Variants in ATP9A observed in about 807,000 individuals in gnomAD.
The protein encoded by ATP9A is ATPase phospholipid transporting 9A, also known as probable phospholipid-transporting ATPase IIA.
Under a neutral mutation model 144.1 loss-of-function variants are expected in ATP9A, and 52 were observed. The observed-to-expected ratio is 0.36, with a 90% CI of 0.29 to 0.45. The LOEUF is 0.45. ATP9A is among the 20% of genes least tolerant of loss of function. The pLI, the probability that ATP9A is intolerant of heterozygous loss-of-function variation, is 1.00. For missense variants in ATP9A, 947 were observed against 1,392.7 expected, an observed-to-expected ratio of 0.68 and a Z score of 5.09; for synonymous variants, 582 against 557.4, an observed-to-expected ratio of 1.04 and a Z score of -0.62.
intron 4 of ATP9A, among the ~76,000 whole-genome samples, chr20:51,699,745 C>T (rs1411478001): frequency 6.6e-6 from 1 of 151,982 alleles, no homozygotes; most frequent in Non-Finnish European, 1.5e-5. Flanking sequence ...TGGATTCAAG[C>T]GATTCTTCTG....
At chr20:51,645,540 C>CA (rs34789590) in intron 14 of ATP9A, among the ~76,000 whole-genome samples, 17 of 149,890 alleles carry the variant, frequency 1.1e-4, no homozygotes, top group Non-Finnish European at 1.3e-4. Context: ...AACAAACAAA[C>CA]AAAAAAAAAA....
chr20:51,760,887 G>A (rs2077877426), intron 1 of ATP9A, among the ~76,000 whole-genome samples: 1 of 152,078 alleles, frequency 6.6e-6, no homozygotes, highest in Non-Finnish European at 1.5e-5. Flanking sequence ...GCTGGGCGTG[G>A]TGGTGGCGCA....
rs758500093 is a variant in ATP9A at position 51,625,173 on chromosome 20, T to G, written c.2016+19A>C. On this transcript the variant is annotated intron_variant, in intron 18 of 27. Coordinates refer to ENST00000338821, the MANE Select transcript of ATP9A (RefSeq NM_006045.3). ...GGCATTGCCCTGGAGTGCCCTTCCCTGCGGGCAGCCCGCCCTACCTTGATG... is the reference window on the plus strand; with the variant it reads ...GGCATTGCCCTGGAGTGCCCTTCCCGGCGGGCAGCCCGCCCTACCTTGATG... 1.9e-6 allele frequency: 3 copies of G among 1,600,256 alleles called. No individual in the cohort carries two copies. The South Asian group carries it at 3.3e-5, about 18-fold the overall frequency.
chr20:51,660,239 C>T (rs912146831), intron 13 of ATP9A, among the ~76,000 whole-genome samples: 2 of 152,214 alleles, frequency 1.3e-5, no homozygotes, highest in Non-Finnish European at 2.9e-5. Context: ...TCAGTATCCA[C>T]GGATTTAAAT....
At chr20:51,659,460 T>C (rs138801569) in intron 13 of ATP9A, among the ~76,000 whole-genome samples, 79 of 152,334 alleles carry the variant, frequency 5.2e-4, no homozygotes, top group African/African-American at 1.9e-3. Flanking sequence ...TCAATTGACA[T>C]GCATTTTTTT....
At chr20:51,663,139 ATATATT>A (rs941714141) in intron 13 of ATP9A, among the ~76,000 whole-genome samples, 8 of 152,182 alleles carry the variant, frequency 5.3e-5, no homozygotes, top group Non-Finnish European at 8.8e-5. Context: ...CAGCCCAGGC[ATATATT>A]TATATTTATA....
chr20:51,711,367 G>A (rs1280221164), intron 4 of ATP9A, among the ~76,000 whole-genome samples: 2 of 151,970 alleles, frequency 1.3e-5, no homozygotes, highest in African/African-American at 4.8e-5. Context: ...TTCCCAAAAG[G>A]AAAACTCTAC....
rs141656779 is a variant in ATP9A, at chr20:51,635,800, A to AGGAGGGAGGAAG, written c.1668+3542_1668+3543insCTTCCTCCCTCC. On this transcript the variant is annotated intron_variant, in intron 15 of 27. Coordinates refer to ENST00000338821, the MANE Select transcript of ATP9A (RefSeq NM_006045.3). ...GAAAAGGAAGGAAACAGAGGAGGGG[A>AGGAGGGAGGAAG]GGAGGAAGGAAGGAAGGAAGGAAGG... Among the ~76,000 whole-genome samples, 84 of 76,884 alleles carry AGGAGGGAGGAAG rather than the reference A, an allele frequency of 1.1e-3. 1 individual carries two copies. Among genetic ancestry groups the AGGAGGGAGGAAG allele is most frequent in the Middle Eastern group, 5.7e-3 (1 of 174 alleles). The allele number at this position is 76,884 out of a possible 152,430, so 50.4% of individuals were successfully genotyped here.
intron 13 of ATP9A, among the ~76,000 whole-genome samples, chr20:51,658,799 T>C (rs1011962130): frequency 6.9e-6 from 1 of 145,274 alleles, no homozygotes; most frequent in African/African-American, 2.5e-5. Context: ...GGATTACAGG[T>C]GTGAGCCACC....
chr20:51,731,456 G>A (rs560751733), intron 1 of ATP9A, among the ~76,000 whole-genome samples: 6 of 151,972 alleles, frequency 3.9e-5, no homozygotes, highest in Non-Finnish European at 7.4e-5. Context: ...GGTGGCTCAC[G>A]CCTGTAATCC....
chr20:51,632,652 T>C (rs905276130), intron 15 of ATP9A, among the ~76,000 whole-genome samples: 1 of 151,778 alleles, frequency 6.6e-6, no homozygotes, highest in African/African-American at 2.4e-5. Flanking sequence ...ATTAGAGGAG[T>C]GTGGTGAGGT....
chr20:51,695,372 A>G (rs2077566099), intron 6 of ATP9A, among the ~76,000 whole-genome samples: 1 of 150,734 alleles, frequency 6.6e-6, no homozygotes, highest in Admixed American at 6.6e-5. Flanking sequence ...CTGAGGCAGG[A>G]GAATGGCTTG....
intron 9 of ATP9A, among the ~76,000 whole-genome samples, chr20:51,681,384 C>T (rs1294373432): frequency 6.6e-6 from 1 of 150,520 alleles, no homozygotes; most frequent in Non-Finnish European, 1.5e-5. Context: ...GGAGGAAATA[C>T]ATAAAACTCT....
chr20:51,628,950 G>A (rs372402280), intron 16 of ATP9A, 30 bp downstream of exon 16: 93 of 1,579,734 alleles, frequency 5.9e-5, no homozygotes, highest in African/African-American at 5.1e-4. Context: ...TGCTTCCAAG[G>A]CCTGGTTTAA....
intron 16 of ATP9A, among the ~76,000 whole-genome samples, 157 bp downstream of exon 16, chr20:51,628,823 T>G (rs560137729): frequency 6.6e-6 from 1 of 152,210 alleles, no homozygotes; most frequent in African/African-American, 2.4e-5. Flanking sequence ...CAGAAACCAT[T>G]ATATATTAAA....
chr20:51,654,895 G>A (rs1308178970), intron 14 of ATP9A, among the ~76,000 whole-genome samples: 2 of 152,102 alleles, frequency 1.3e-5, no homozygotes, highest in Non-Finnish European at 2.9e-5. Context: ...CCGGGAGTAA[G>A]TCACACACTA....
intron 17 of ATP9A, among the ~76,000 whole-genome samples, chr20:51,626,268 C>T (rs1669460398): frequency 6.6e-6 from 1 of 152,194 alleles, no homozygotes; most frequent in Non-Finnish European, 1.5e-5. Flanking sequence ...GCAGGCAGAT[C>T]ACCTGAGGTC....
In ATP9A at chr20:51,610,096, C is replaced by T; in HGVS notation, c.2636+5G>A. ...ACAATTAATTCCTTGGCAGGATTTC[C>T]TTACCCAATGATGAGGAATCCTTGA... On this transcript the variant is annotated splice_donor_5th_base_variant and intron_variant, in intron 24 of 27. Coordinates refer to ENST00000338821, the MANE Select transcript of ATP9A (RefSeq NM_006045.3). 3 of 1,586,358 alleles carry T rather than the reference C, an allele frequency of 1.9e-6. No individual in the cohort carries two copies. The highest frequency in any genetic ancestry group is 2.6e-6 in the Non-Finnish European group (3 of 1,155,050).
At chr20:51,634,459 G>T (rs565804780) in intron 15 of ATP9A, among the ~76,000 whole-genome samples, 2 of 152,180 alleles carry the variant, frequency 1.3e-5, no homozygotes, top group Non-Finnish European at 2.9e-5. Flanking sequence ...AGTGGGAAAA[G>T]CAGCAGCTGT....
Sources: gnomAD v4.1 joint callset for allele counts (sites outside exome capture counted in the v4.1 genomes callset) on GRCh38, gnomAD v4.1.1 for gene constraint, MANE v1.5 for transcripts, NCBI Gene and HGNC (gene_info 2026-07-23, HGNC 2026-07-21) for gene names.